Variants in KIF4A observed in about 807,000 individuals in gnomAD.
The protein encoded by KIF4A is kinesin family member 4A.
Under a neutral mutation model 105.9 loss-of-function variants are expected in KIF4A, and 7 were observed. The observed-to-expected ratio is 0.07, with a 90% confidence interval of 0.04 to 0.12. KIF4A has a LOEUF of 0.12. Ranked by LOEUF, KIF4A falls within the 10% of genes least tolerant of loss-of-function variation. KIF4A has a pLI of 1.00. For synonymous variants in KIF4A, 281 were observed against 331.3 expected (o/e 0.85, Z 1.65); for missense variants, 558 against 929.2 (o/e 0.60, Z 5.19).
At chrX:70,338,471 C>T (rs1314587028) in intron 10 of KIF4A, among the ~76,000 whole-genome samples, 1 of 112,146 alleles carries the variant, frequency 8.9e-6, no homozygotes, top group Non-Finnish European at 1.9e-5. Context: ...TGTTATAGCA[C>T]GTGTTAGCAC....
At chrX:70,369,177 C>T (rs1279543700) in intron 15 of KIF4A, among the ~76,000 whole-genome samples, 1 of 112,424 alleles carries the variant, frequency 8.9e-6, no homozygotes, top group Non-Finnish European at 1.9e-5. Flanking sequence ...AAGGGGAATT[C>T]TGTGACCCCT....
At chrX:70,339,558 CAATT>C (rs1173988770) in intron 10 of KIF4A, among the ~76,000 whole-genome samples, 2 of 112,585 alleles carry the variant, frequency 1.8e-5, no homozygotes, top group Admixed American at 9.4e-5. Flanking sequence ...ATGAATCAAA[CAATT>C]AAACTTAATT....
chrX:70,343,574 C>T, intron 11 of KIF4A, 129 bp from the exon 12 acceptor site: 1 of 536,593 alleles, frequency 1.9e-6, no homozygotes, highest in Non-Finnish European at 3.1e-6. Flanking sequence ...AACCAAAGCC[C>T]ACTAAATCCT....
intron 5 of KIF4A, among the ~76,000 whole-genome samples, chrX:70,299,848 A>T (rs2085798243): frequency 8.9e-6 from 1 of 112,224 alleles, no homozygotes; most frequent in East Asian, 2.8e-4. Flanking sequence ...GGAAGAAGAG[A>T]TAGCTTATTT....
intron 7 of KIF4A, among the ~76,000 whole-genome samples, chrX:70,324,510 T>G (rs2085903161): frequency 8.9e-6 from 1 of 112,189 alleles, no homozygotes; most frequent in Admixed American, 9.5e-5. Context: ...CTTAGTCATG[T>G]CATGTTTATG....
intron 20 of KIF4A, among the ~76,000 whole-genome samples, chrX:70,391,694 C>T (rs1206858991): frequency 9.1e-6 from 1 of 109,477 alleles, no homozygotes; most frequent in Non-Finnish European, 1.9e-5. Flanking sequence ...TCAGGGGTTT[C>T]GTATACAGAT....
chrX:70,365,637 C>T lies in KIF4A; in HGVS notation c.1675-8514C>T, dbSNP rs60568244. Among the ~76,000 whole-genome samples the T allele has an allele frequency of 5.2e-3, 575 of 111,175 alleles. 8 individuals carry two copies. Among genetic ancestry groups the T allele is most frequent in the African/African-American group, 0.018 (552 of 30,574 alleles). On this transcript the variant is annotated intron_variant, in intron 15 of 30. Transcript: ENST00000374403. The stretch of plus-strand genomic sequence containing the variant: ...AAGCTTTTTGATGTGCTGCTGGATT[C>T]GGTTTGCCAGTATTTTATTGAGGAT...
At position 70,417,985 on chromosome X, in the gene KIF4A, G is replaced by A. The variant is rs1251243736; in HGVS notation, c.3353G>A (p.Arg1118Gln). 1.4e-5 allele frequency: 17 copies of A among 1,206,598 alleles called. No homozygotes were observed. The highest frequency in any genetic ancestry group is 1.8e-5 in the South Asian group (1 of 56,085). ...VDCCCDPTKC[R>Q]NRQQGKDSLG... ...TGTTGCTGTGACCCCACAAAGTGTCGGAACCGCCAGCAAGGCAAGGTAGGA... is the reference window on the plus strand; with the variant it reads ...TGTTGCTGTGACCCCACAAAGTGTCAGAACCGCCAGCAAGGCAAGGTAGGA... Residue 1118 changes from arginine (R) to glutamine (Q), a missense_variant, in exon 29 of 31, where the codon CGG (arginine) becomes CAG (glutamine). Coordinates refer to ENST00000374403, the MANE Select transcript of KIF4A (RefSeq NM_012310.5).
At chrX:70,296,390 A>G (rs771876969) in intron 3 of KIF4A, among the ~76,000 whole-genome samples, 9 of 111,826 alleles carry the variant, frequency 8.0e-5, no homozygotes, top group African/African-American at 2.9e-4. Flanking sequence ...TGGCTCATTA[A>G]TGGATGATTC....
intron 7 of KIF4A, among the ~76,000 whole-genome samples, chrX:70,326,451 C>T (rs770248160): frequency 2.9e-4 from 32 of 112,107 alleles, no homozygotes; most frequent in Middle Eastern, 4.6e-3. Flanking sequence ...CATTTCTCTC[C>T]TACCTCATTT....
chrX:70,349,537 G>A (rs1243054854), intron 13 of KIF4A, among the ~76,000 whole-genome samples: 14 of 97,733 alleles, frequency 1.4e-4, no homozygotes, highest in Admixed American at 1.1e-4. Context: ...TACTCAGACC[G>A]GGCAGCCGGG....
chrX:70,404,333 G>A (rs922051616), intron 24 of KIF4A, among the ~76,000 whole-genome samples: 3 of 111,154 alleles, frequency 2.7e-5, no homozygotes, highest in Non-Finnish European at 3.8e-5. Context: ...GGCCAAGGCA[G>A]GCAGATTGCT....
At chrX:70,396,287 A>T (rs1469196755) in intron 22 of KIF4A, 1 of 266,477 alleles carries the variant, frequency 3.8e-6, no homozygotes, top group East Asian at 6.0e-5. Flanking sequence ...TAACTTGGTC[A>T]TATGGAAGTG....
At chrX:70,354,106 T>C (rs1052784964) in intron 15 of KIF4A, among the ~76,000 whole-genome samples, 3 of 112,665 alleles carry the variant, frequency 2.7e-5, no homozygotes, top group African/African-American at 9.7e-5. Context: ...TATGCTTGGA[T>C]TCTGAGAAAA....
At chrX:70,351,611 C>A (rs2086030895) in intron 13 of KIF4A, among the ~76,000 whole-genome samples, 2 of 111,818 alleles carry the variant, frequency 1.8e-5, no homozygotes, top group Non-Finnish European at 3.8e-5. Flanking sequence ...TAGATTGATT[C>A]CATATCTTTA....
At chrX:70,349,957 G>C (rs1306496741) in intron 13 of KIF4A, among the ~76,000 whole-genome samples, 13 of 9,627 alleles carry the variant, frequency 1.4e-3, no homozygotes, top group African/African-American at 1.4e-3. Flanking sequence ...GCGCTCCTCA[G>C]TTCCCAGACG....
intron 28 of KIF4A, among the ~76,000 whole-genome samples, chrX:70,409,808 A>AG (rs1267858554): frequency 1.8e-5 from 2 of 109,237 alleles, no homozygotes; most frequent in African/African-American, 6.7e-5. Flanking sequence ...AAAAAAAAAA[A>AG]AAAGAAAAGA....
chrX:70,327,952 A>C (rs1181896012), intron 7 of KIF4A, among the ~76,000 whole-genome samples: 1 of 111,854 alleles, frequency 8.9e-6, no homozygotes, highest in Non-Finnish European at 1.9e-5. Context: ...TTGAAGGTCC[A>C]GAAGAGGCTG....
chrX:70,367,510 A>G (rs1430160515), intron 15 of KIF4A, among the ~76,000 whole-genome samples: 1 of 111,345 alleles, frequency 9.0e-6, no homozygotes, highest in Non-Finnish European at 1.9e-5. Flanking sequence ...TCACTTATGA[A>G]GCTTAGTTTG....
Sources: gnomAD v4.1 joint callset for allele counts (sites outside exome capture counted in the v4.1 genomes callset) on GRCh38, gnomAD v4.1.1 for gene constraint, MANE v1.5 for transcripts, NCBI Gene and HGNC (gene_info 2026-07-23, HGNC 2026-07-21) for gene names.